UBE2H: variants seen among roughly 807,000 people sequenced by gnomAD.
The protein encoded by UBE2H is ubiquitin-conjugating enzyme E2 H.
A neutral mutation model predicts 29.0 loss-of-function variants in UBE2H; 3 were observed. The observed-to-expected ratio is 0.10, with a 90% CI of 0.05 to 0.27. The LOEUF is 0.27. UBE2H is among the 10% of genes least tolerant of loss of function. UBE2H has a pLI of 1.00. For synonymous variants in UBE2H, 69 were observed against 82.9 expected, an observed-to-expected ratio of 0.83 and a Z score of 0.91; for missense variants, 68 against 228.2, an observed-to-expected ratio of 0.30 and a Z score of 4.52.
At chr7:129,905,388 TC>T (rs1554437608) in intron 1 of UBE2H, among the ~76,000 whole-genome samples, 1 of 152,138 alleles carries the variant, frequency 6.6e-6, no homozygotes, top group Non-Finnish European at 1.5e-5. Flanking sequence ...CGAATAACCT[TC>T]TTTCCAATGA....
At position 129,944,732 on chromosome 7, in the gene UBE2H, ACACACACACACACACACACG is replaced by A. The variant is rs879484820; in HGVS notation, c.53+7751_53+7770del. 7.0e-3 allele frequency among the ~76,000 whole-genome samples: 1,012 copies of A among 144,674 alleles called. 6 individuals are homozygous for A. Among genetic ancestry groups the A allele is most frequent in the Admixed American group, 8.8e-3 (123 of 13,998 alleles). 94.9% of individuals were successfully genotyped at this position (144,674 alleles called of 152,430 possible). ...GCGCTCAAAACACACACACACACAC[ACACACACACACACACACACG>A]CACGCACGCACGCGCATGCGCAAAC... On this transcript the variant is annotated intron_variant, in intron 1 of 6. Coordinates refer to ENST00000355621, the MANE Select transcript of UBE2H (RefSeq NM_003344.4).
At chr7:129,893,198 G>A (rs1806536086) in intron 1 of UBE2H, among the ~76,000 whole-genome samples, 1 of 152,128 alleles carries the variant, frequency 6.6e-6, no homozygotes, top group Non-Finnish European at 1.5e-5. Flanking sequence ...AGCCTTAGGA[G>A]AGGAAATTTT....
intron 1 of UBE2H, among the ~76,000 whole-genome samples, chr7:129,913,305 A>G (rs564910627): frequency 6.6e-6 from 1 of 152,112 alleles, no homozygotes; most frequent in South Asian, 2.1e-4. Context: ...TATAGGATTT[A>G]AATTACAAGG....
intron 1 of UBE2H, among the ~76,000 whole-genome samples, chr7:129,925,792 C>T (rs909583039): frequency 3.3e-5 from 5 of 152,136 alleles, no homozygotes; most frequent in Admixed American, 2.0e-4. Context: ...ATGGCAGAAG[C>T]GATGCCTTTA....
At chr7:129,855,204 C>T (rs1805682894) in intron 5 of UBE2H, among the ~76,000 whole-genome samples, 1 of 152,112 alleles carries the variant, frequency 6.6e-6, no homozygotes, top group Admixed American at 6.5e-5. Context: ...TTTAAAAAAC[C>T]TGTTCTGAGA....
chr7:129,918,058 A>C (rs1194638289), intron 1 of UBE2H, among the ~76,000 whole-genome samples: 1 of 152,192 alleles, frequency 6.6e-6, no homozygotes, highest in Non-Finnish European at 1.5e-5. Flanking sequence ...GCTCTCCAAA[A>C]ACTGCTTTTA....
intron 1 of UBE2H, among the ~76,000 whole-genome samples, chr7:129,933,984 T>TGCAA (rs1807459959): frequency 6.6e-6 from 1 of 152,176 alleles, no homozygotes; most frequent in Admixed American, 6.6e-5. Context: ...GCAAAAATGC[T>TGCAA]GCAAGGATAA....
intron 1 of UBE2H, among the ~76,000 whole-genome samples, chr7:129,936,125 A>G (rs1033505749): frequency 2.0e-5 from 3 of 152,232 alleles, no homozygotes; most frequent in Admixed American, 6.5e-5. Context: ...TTAAATAATA[A>G]GATGCCATCA....
chr7:129,867,723 CCA>C (rs1563027574), intron 3 of UBE2H, among the ~76,000 whole-genome samples: 4 of 65,564 alleles, frequency 6.1e-5, no homozygotes, highest in East Asian at 8.8e-4. Context: ...AAAAAGAAAA[CCA>C]AAAAAAAAAA....
chr7:129,914,112 GTGCAACATAGC>G (rs914158128), intron 1 of UBE2H, among the ~76,000 whole-genome samples: 1 of 152,020 alleles, frequency 6.6e-6, no homozygotes, highest in African/African-American at 2.4e-5. Context: ...CCACAACCAG[GTGCAACATAGC>G]TGCCAGCAGA....
rs558965830 is a variant in UBE2H, at chr7:129,916,752, T to C, written c.53+35751A>G. ...GGCCAAACCACCTGCAAAAGTTCCATTTGCGGCTGGGAGCGGTGGCTCACA... is the reference window on the plus strand; with the variant it reads ...GGCCAAACCACCTGCAAAAGTTCCACTTGCGGCTGGGAGCGGTGGCTCACA... On this transcript the variant is annotated intron_variant, in intron 1 of 6. Coordinates refer to ENST00000355621, the MANE Select transcript of UBE2H (RefSeq NM_003344.4). 2.6e-5 allele frequency among the ~76,000 whole-genome samples: 4 copies of C among 152,192 alleles called. No individual in the cohort carries two copies. The South Asian group carries it at 8.3e-4, about 32-fold the overall frequency.
At chr7:129,946,510 C>G (rs1350481478) in intron 1 of UBE2H, among the ~76,000 whole-genome samples, 1 of 152,150 alleles carries the variant, frequency 6.6e-6, no homozygotes, top group African/African-American at 2.4e-5. Flanking sequence ...ACATTTAAGG[C>G]CAACAGTTCT....
chr7:129,851,088 T>C (rs1259516980), intron 5 of UBE2H, among the ~76,000 whole-genome samples: 1 of 152,194 alleles, frequency 6.6e-6, no homozygotes, highest in Non-Finnish European at 1.5e-5. Context: ...TAATTTCCCA[T>C]TCATTGCCTA....
intron 1 of UBE2H, among the ~76,000 whole-genome samples, chr7:129,924,822 T>C (rs1807232342): frequency 6.6e-6 from 1 of 152,056 alleles, no homozygotes; most frequent in Non-Finnish European, 1.5e-5. Context: ...ACGAAAGCCC[T>C]GGACGGTCCT....
chr7:129,950,902 A>C (rs1346106501), intron 1 of UBE2H, among the ~76,000 whole-genome samples: 1 of 152,182 alleles, frequency 6.6e-6, no homozygotes, highest in African/African-American at 2.4e-5. Flanking sequence ...TAAAGAGTTG[A>C]TTTCACTTGC....
chr7:129,938,862 G>T (rs901074536), intron 1 of UBE2H, among the ~76,000 whole-genome samples: 2 of 151,384 alleles, frequency 1.3e-5, no homozygotes, highest in Non-Finnish European at 2.9e-5. Context: ...GCAGTGATGC[G>T]ATCTCGGCTC....
At chr7:129,865,348 T>C (rs1419351348) in intron 3 of UBE2H, among the ~76,000 whole-genome samples, 2 of 152,172 alleles carry the variant, frequency 1.3e-5, no homozygotes, top group African/African-American at 4.8e-5. Context: ...GAGTAACTTC[T>C]GACATTGGGG....
In UBE2H at chr7:129,925,934, A is replaced by T. The variant is rs79113988; in HGVS notation, c.53+26569T>A. Among the ~76,000 whole-genome samples, 401 of 152,296 alleles carry T rather than the reference A, an allele frequency of 2.6e-3. 23 individuals carry two copies. The East Asian group carries it at 0.06, about 23-fold the overall frequency. On this transcript the variant is annotated intron_variant, in intron 1 of 6. Transcript: ENST00000355621. Reference sequence around the variant, plus strand: ...ACTACATTATTCCAGAACTGTTACTACCAGCCAACTACAATTCCTAACTGA... The same window carrying T: ...ACTACATTATTCCAGAACTGTTACTTCCAGCCAACTACAATTCCTAACTGA...
chr7:129,934,499 A>G (rs547063763), intron 1 of UBE2H, among the ~76,000 whole-genome samples: 8 of 151,176 alleles, frequency 5.3e-5, no homozygotes, highest in Non-Finnish European at 2.9e-5. Context: ...TTAGTCGGGC[A>G]TGGTCGTGGG....
Sources: allele counts gnomAD v4.1 joint callset (sites outside exome capture counted in the v4.1 genomes callset), GRCh38; gene constraint gnomAD v4.1.1; transcripts MANE v1.5; gene names NCBI Gene and HGNC (gene_info 2026-07-23, HGNC 2026-07-21).